The following RAB3C variants were observed in gnomAD, a reference collection of about 807,000 sequenced individuals.
RAB3C encodes RAB3C, member RAS oncogene family, also known as ras-related protein Rab-3C.
In RAB3C, 17 loss-of-function variants were observed where a neutral mutation model predicts 26.4. That is an observed-to-expected ratio of 0.64 (90% CI 0.44 to 0.97). RAB3C has a LOEUF of 0.97. Among genes scored for constraint, RAB3C ranks in the 50% least tolerant of loss-of-function variants. The probability of loss-of-function intolerance (pLI) is 0.00; values close to 1 mark genes in which losing one functional copy is unlikely to be tolerated. For missense variants in RAB3C, 242 were observed against 281.9 expected, an observed-to-expected ratio of 0.86 and a Z score of 1.01; for synonymous variants, 91 against 95.9, an observed-to-expected ratio of 0.95 and a Z score of 0.30.
intron 4 of RAB3C, among the ~76,000 whole-genome samples, chr5:58,828,399 G>C (rs1288697291): frequency 6.6e-6 from 1 of 152,100 alleles, no homozygotes; most frequent in East Asian, 1.9e-4. Flanking sequence ...CTCCAGACTT[G>C]CATTTAGTTT....
chr5:58,746,019 C>T (rs73104303), intron 3 of RAB3C, among the ~76,000 whole-genome samples: 27 of 152,322 alleles, frequency 1.8e-4, no homozygotes, highest in African/African-American at 6.5e-4. Flanking sequence ...TCCCTTTTAG[C>T]TGACTGCTTT....
intron 3 of RAB3C, among the ~76,000 whole-genome samples, chr5:58,819,549 T>A (rs1743292182): frequency 6.6e-6 from 1 of 152,168 alleles, no homozygotes; most frequent in African/African-American, 2.4e-5. Flanking sequence ...CAATAGCATT[T>A]TACGAATTCT....
At chr5:58,844,394 G>A (rs1472484557) in intron 4 of RAB3C, among the ~76,000 whole-genome samples, 1 of 152,200 alleles carries the variant, frequency 6.6e-6, no homozygotes, top group Non-Finnish European at 1.5e-5. Context: ...GCCTTTGGTT[G>A]AGCTCCTATT....
chr5:58,619,021 TA>T (rs1033393842), intron 2 of RAB3C, among the ~76,000 whole-genome samples: 1 of 152,178 alleles, frequency 6.6e-6, no homozygotes, highest in Admixed American at 6.6e-5. Flanking sequence ...GCCCTTTATT[TA>T]AAAATCTGTA....
chr5:58,804,688 T>C (rs996282228), intron 3 of RAB3C, among the ~76,000 whole-genome samples: 1 of 151,910 alleles, frequency 6.6e-6, no homozygotes, highest in African/African-American at 2.4e-5. Context: ...TGTGTGTGTG[T>C]GTATGTATGT....
At chr5:58,643,993 G>T (rs148955455) in intron 2 of RAB3C, among the ~76,000 whole-genome samples, 11 of 151,984 alleles carry the variant, frequency 7.2e-5, no homozygotes, top group African/African-American at 2.2e-4. Flanking sequence ...ACTAATTTTC[G>T]TACTTTTAGT....
At chr5:58,756,541 C>T (rs1384740481) in intron 3 of RAB3C, among the ~76,000 whole-genome samples, 1 of 150,084 alleles carries the variant, frequency 6.7e-6, no homozygotes, top group South Asian at 2.1e-4. Context: ...CCCCCCACCC[C>T]CCAACAGGCA....
intron 2 of RAB3C, among the ~76,000 whole-genome samples, chr5:58,657,482 T>C (rs779410294): frequency 1.5e-4 from 23 of 152,008 alleles, no homozygotes; most frequent in Non-Finnish European, 2.5e-4. Flanking sequence ...CATGTGAAGA[T>C]TGGAAGAACA....
intron 3 of RAB3C, among the ~76,000 whole-genome samples, chr5:58,779,264 C>T (rs1742217561): frequency 6.6e-6 from 1 of 151,400 alleles, no homozygotes; most frequent in African/African-American, 2.4e-5. Context: ...TCTGTAACAA[C>T]TCCAAAAAAG....
At chr5:58,663,682 T>G (rs1747947789) in intron 2 of RAB3C, among the ~76,000 whole-genome samples, 1 of 152,164 alleles carries the variant, frequency 6.6e-6, no homozygotes, top group Non-Finnish European at 1.5e-5. Context: ...CATCATTAGT[T>G]ATTAGGGAAA....
chr5:58,698,120 T>G (rs997356464), intron 2 of RAB3C, among the ~76,000 whole-genome samples: 1 of 152,102 alleles, frequency 6.6e-6, no homozygotes. Flanking sequence ...GTCAGGCCTG[T>G]TGGTGACAAA....
chr5:58,834,427 G>T (rs368580787), intron 4 of RAB3C, among the ~76,000 whole-genome samples: 2 of 152,206 alleles, frequency 1.3e-5, no homozygotes, highest in African/African-American at 2.4e-5. Flanking sequence ...ATAAAGCCAG[G>T]TTGTGCAGCC....
chr5:58,815,549 G>C (rs760737993), intron 3 of RAB3C, among the ~76,000 whole-genome samples: 4 of 152,116 alleles, frequency 2.6e-5, no homozygotes, highest in Non-Finnish European at 4.4e-5. Context: ...ACAGTGTCAG[G>C]GTATAAAAGG....
intron 1 of RAB3C, among the ~76,000 whole-genome samples, chr5:58,614,812 G>A (rs917544754): frequency 6.6e-6 from 1 of 152,058 alleles, no homozygotes; most frequent in Non-Finnish European, 1.5e-5. Flanking sequence ...TGAACTAATT[G>A]CAGATATAAA....
intron 2 of RAB3C, among the ~76,000 whole-genome samples, chr5:58,673,447 TACACACACACACACACACAC>T (rs71604758): frequency 2.1e-5 from 3 of 145,936 alleles, no homozygotes; most frequent in African/African-American, 7.6e-5. Flanking sequence ...GAACTAGTTA[TACACACACACACACACACAC>T]ACACACACAC....
At chr5:58,644,893 G>A (rs13155394) in intron 2 of RAB3C, among the ~76,000 whole-genome samples, 15,741 of 152,242 alleles carry the variant, frequency 0.1, 951 homozygotes, top group Middle Eastern at 0.21. Context: ...GGAGCACACA[G>A]TGAGAACAGC....
rs551034634 is a variant in RAB3C at position 58,728,696 on chromosome 5, C to G, written c.371+2576C>G. On this transcript the variant is annotated intron_variant, in intron 3 of 4. Coordinates refer to ENST00000282878, the MANE Select transcript of RAB3C (RefSeq NM_138453.4). ...CTCTGGATCTACTAAATCAAATCTC[C>G]CGTGAGATACACGGGCATATGAATT... Among the ~76,000 whole-genome samples, 13 of 152,112 alleles carry G rather than the reference C, an allele frequency of 8.5e-5. No individual in the cohort carries two copies. The East Asian group carries it at 2.5e-3, about 30-fold the overall frequency.
chr5:58,698,185 G>A (rs929165082), intron 2 of RAB3C, among the ~76,000 whole-genome samples: 4 of 152,082 alleles, frequency 2.6e-5, no homozygotes, highest in African/African-American at 9.7e-5. Flanking sequence ...CACTTGTGAA[G>A]GTAATTTTGG....
At chr5:58,686,515 T>C (rs1748446767) in intron 2 of RAB3C, among the ~76,000 whole-genome samples, 1 of 152,146 alleles carries the variant, frequency 6.6e-6, no homozygotes, top group Non-Finnish European at 1.5e-5. Context: ...TCTAAATGTC[T>C]CCCATTTTAG....
Sources: gnomAD v4.1 joint callset for allele counts (sites outside exome capture counted in the v4.1 genomes callset) on GRCh38, gnomAD v4.1.1 for gene constraint, MANE v1.5 for transcripts, NCBI Gene and HGNC (gene_info 2026-07-23, HGNC 2026-07-21) for gene names.